The following KCNIP4 variants were observed in gnomAD, a reference collection of about 807,000 sequenced individuals.
KCNIP4 encodes the protein potassium voltage-gated channel interacting protein 4.
A neutral mutation model predicts 34.0 loss-of-function variants in KCNIP4; 12 were observed. The observed-to-expected ratio is 0.35, with a 90% CI of 0.23 to 0.57. The LOEUF (loss-of-function observed/expected upper bound fraction) is 0.57. KCNIP4 is among the 20% of genes least tolerant of loss of function. The probability of loss-of-function intolerance (pLI) is 0.83; values close to 1 mark genes in which losing one functional copy is unlikely to be tolerated. For missense variants in KCNIP4, 238 were observed against 311.7 expected (o/e 0.76, Z 1.78); for synonymous variants, 124 against 102.2 (o/e 1.21, Z -1.29).
chr4:21,900,326 C>T (rs1727634661), intron 1 of KCNIP4, among the ~76,000 whole-genome samples: 1 of 152,060 alleles, frequency 6.6e-6, no homozygotes, highest in Admixed American at 6.6e-5. Context: ...AATAGAAAAC[C>T]AGAGTGTCCT....
chr4:21,763,341 C>T (rs535201831), intron 1 of KCNIP4, among the ~76,000 whole-genome samples: 1 of 152,286 alleles, frequency 6.6e-6, no homozygotes, highest in Admixed American at 6.5e-5. Flanking sequence ...GGGCAACTAG[C>T]TTAGCCTAGT....
intron 1 of KCNIP4, chr4:21,718,411 TAAC>T (rs933467378): frequency 2.0e-5 from 3 of 152,216 alleles, no homozygotes; most frequent in Non-Finnish European, 4.4e-5. Flanking sequence ...TTATGAATAT[TAAC>T]AATTATGTAT....
intron 1 of KCNIP4, among the ~76,000 whole-genome samples, chr4:21,745,119 C>A (rs1476281547): frequency 6.6e-6 from 1 of 152,050 alleles, no homozygotes; most frequent in Non-Finnish European, 1.5e-5. Context: ...ACAGACATGT[C>A]TAAATAGGTT....
chr4:21,347,683 C>T (rs1355299965), intron 1 of KCNIP4, among the ~76,000 whole-genome samples: 4 of 152,174 alleles, frequency 2.6e-5, no homozygotes, highest in African/African-American at 4.8e-5. Flanking sequence ...ACATATAAAG[C>T]ATGGAGTATA....
chr4:21,292,158 C>G (rs28678874), intron 1 of KCNIP4, among the ~76,000 whole-genome samples: 5 of 152,098 alleles, frequency 3.3e-5, no homozygotes, highest in African/African-American at 1.2e-4. Context: ...TTTGCTGGGT[C>G]TTCTCCCTGA....
chr4:21,734,316 T>C (rs1715828811), intron 1 of KCNIP4, among the ~76,000 whole-genome samples: 1 of 152,182 alleles, frequency 6.6e-6, no homozygotes, highest in South Asian at 2.1e-4. Flanking sequence ...AAGACAAACG[T>C]GACTCAGTAT....
intron 1 of KCNIP4, among the ~76,000 whole-genome samples, chr4:21,484,210 T>G (rs1234625364): frequency 1.3e-5 from 2 of 152,096 alleles, no homozygotes; most frequent in South Asian, 4.1e-4. Context: ...GCAGATCGCC[T>G]GAGGTCAGGA....
chr4:21,567,329 T>C (rs912186593), intron 1 of KCNIP4, among the ~76,000 whole-genome samples: 3 of 151,940 alleles, frequency 2.0e-5, no homozygotes, highest in Non-Finnish European at 4.4e-5. Flanking sequence ...CAATGAGATA[T>C]GAATGGAAGC....
intron 1 of KCNIP4, among the ~76,000 whole-genome samples, chr4:21,796,999 T>C (rs1445655323): frequency 6.6e-6 from 1 of 152,206 alleles, no homozygotes; most frequent in Admixed American, 6.5e-5. Context: ...TCCATTTTCA[T>C]TTTGTGTGAA....
intron 1 of KCNIP4, among the ~76,000 whole-genome samples, chr4:21,370,842 TATATATATACAC>T (rs1382128194): frequency 3.3e-4 from 9 of 27,220 alleles, no homozygotes; most frequent in Admixed American, 4.3e-4. Flanking sequence ...TATATATATA[TATATATATACAC>T]ACACACACAC....
At chr4:21,344,826 G>C (rs1717131311) in intron 1 of KCNIP4, among the ~76,000 whole-genome samples, 2 of 152,140 alleles carry the variant, frequency 1.3e-5, no homozygotes, top group South Asian at 4.1e-4. Flanking sequence ...TAGGATCTGG[G>C]ACTGCCCACA....
intron 1 of KCNIP4, among the ~76,000 whole-genome samples, chr4:21,359,095 T>G (rs1718954439): frequency 6.6e-6 from 1 of 152,122 alleles, no homozygotes; most frequent in African/African-American, 2.4e-5. Context: ...TCTTAGATTT[T>G]GGGGTTTACA....
Position 21,413,751 on chromosome 4 carries a change from T to C in KCNIP4, c.62-531042A>G, listed in dbSNP as rs74726568. Among the ~76,000 whole-genome samples the C allele has an allele frequency of 1.8e-3, 279 of 152,276 alleles. 8 individuals are homozygous for C. The East Asian group carries it at 0.048, about 26-fold the overall frequency. The stretch of plus-strand genomic sequence containing the variant: ...TGAATCTTCAGCTCCTTTACCCTGG[T>C]TCTTATTTCAGTCCCTGACAAGAAC... On this transcript the variant is annotated intron_variant, in intron 1 of 8. Transcript: ENST00000382152.
chr4:21,362,524 G>A (rs903846942), intron 1 of KCNIP4, among the ~76,000 whole-genome samples: 4 of 152,112 alleles, frequency 2.6e-5, no homozygotes, highest in Admixed American at 1.3e-4. Context: ...ATCTTGGGTA[G>A]AATACATTAT....
At chr4:21,280,442 A>T (rs549475517) in intron 1 of KCNIP4, among the ~76,000 whole-genome samples, 2 of 152,186 alleles carry the variant, frequency 1.3e-5, no homozygotes, top group Admixed American at 1.3e-4. Flanking sequence ...AGCACCTGTT[A>T]TCTCTACCAC....
rs552803042 is a variant in KCNIP4 at position 21,467,515 on chromosome 4, C to T, written c.61+481056G>A. ...ACGGGGTTAGGCAGAGTAAATGAAC[C>T]GGCCTCAAAACCAAGGCCGTCTCCC... On this transcript the variant is annotated intron_variant, in intron 1 of 8. Transcript: ENST00000382152. Among the ~76,000 whole-genome samples, 19 of 152,144 alleles carry T rather than the reference C, an allele frequency of 1.2e-4. No individual in the cohort carries two copies. The South Asian group carries it at 1.7e-3, about 13-fold the overall frequency.
chr4:21,437,194 T>C (rs1182172342), intron 1 of KCNIP4, among the ~76,000 whole-genome samples: 3 of 152,190 alleles, frequency 2.0e-5, no homozygotes, highest in South Asian at 2.1e-4. Flanking sequence ...AGAAGGTAAT[T>C]GACTGTTTCA....
chr4:21,462,536 G>A (rs1047465197), intron 1 of KCNIP4, among the ~76,000 whole-genome samples: 2 of 152,074 alleles, frequency 1.3e-5, no homozygotes, highest in African/African-American at 4.8e-5. Context: ...GATTTTGGTG[G>A]GTACACAGCC....
At chr4:21,633,491 A>T (rs1428537178) in intron 1 of KCNIP4, among the ~76,000 whole-genome samples, 7 of 151,998 alleles carry the variant, frequency 4.6e-5, no homozygotes, top group Admixed American at 4.6e-4. Flanking sequence ...TCTAAGGCAA[A>T]TGTGAAAGTC....
Sources: gnomAD v4.1 joint callset for allele counts (sites outside exome capture counted in the v4.1 genomes callset) on GRCh38, gnomAD v4.1.1 for gene constraint, MANE v1.5 for transcripts, NCBI Gene and HGNC (gene_info 2026-07-23, HGNC 2026-07-21) for gene names.